CHD9: variants seen among roughly 807,000 people sequenced by gnomAD.
The protein encoded by CHD9 is ATP-dependent chromatin remodeler CHD9.
A neutral mutation model predicts 316.1 loss-of-function variants in CHD9; 77 were observed. The observed-to-expected ratio is 0.24, with a 90% confidence interval of 0.20 to 0.29. The LOEUF is 0.29. Among genes scored for constraint, CHD9 ranks in the 10% least tolerant of loss-of-function variants. The pLI is 1.00. For synonymous variants in CHD9, 1,129 were observed against 1,158.3 expected (o/e 0.97, Z 0.51); for missense variants, 2,763 against 3,438.1 (o/e 0.80, Z 4.91).
At chr16:53,158,120 A>G (rs2041649300) in intron 2 of CHD9, among the ~76,000 whole-genome samples, 1 of 152,224 alleles carries the variant, frequency 6.6e-6, no homozygotes, top group Non-Finnish European at 1.5e-5. Flanking sequence ...TAATGCTGAC[A>G]AATTTATGGT....
intron 2 of CHD9, among the ~76,000 whole-genome samples, chr16:53,200,429 A>G (rs2045356812): frequency 6.6e-6 from 1 of 150,794 alleles, no homozygotes. Flanking sequence ...GATACCTGTA[A>G]TCCCCGCTAC....
chr16:53,307,611 T>A (rs896962810), intron 32 of CHD9, 70 bp from the exon 33 acceptor site: 1 of 1,390,554 alleles, frequency 7.2e-7, no homozygotes. Flanking sequence ...CATAGACTCT[T>A]GAGCTATTTG....
At chr16:53,152,071 G>A (rs1416687231) in intron 1 of CHD9, among the ~76,000 whole-genome samples, 1 of 152,012 alleles carries the variant, frequency 6.6e-6, no homozygotes, top group Non-Finnish European at 1.5e-5. Context: ...ATACTGTGAT[G>A]TGCTAACTTC....
intron 1 of CHD9, among the ~76,000 whole-genome samples, chr16:53,118,269 T>G (rs2038472138): frequency 6.6e-6 from 1 of 152,006 alleles, no homozygotes; most frequent in Non-Finnish European, 1.5e-5. Context: ...ATACAAAAAT[T>G]AGCTAGGTGT....
chr16:53,092,220 C>T (rs895120134), intron 1 of CHD9, among the ~76,000 whole-genome samples: 2 of 152,210 alleles, frequency 1.3e-5, no homozygotes, highest in African/African-American at 2.4e-5. Context: ...TGCAGCCTGG[C>T]GCAGGCTGTA....
At chr16:53,210,456 A>G (rs1227348785) in intron 3 of CHD9, among the ~76,000 whole-genome samples, 1 of 152,134 alleles carries the variant, frequency 6.6e-6, no homozygotes, top group African/African-American at 2.4e-5. Context: ...CTAGGAGGAT[A>G]TATTAATCCT....
intron 1 of CHD9, among the ~76,000 whole-genome samples, chr16:53,127,530 G>C (rs2039021938): frequency 6.6e-6 from 1 of 152,120 alleles, no homozygotes; most frequent in South Asian, 2.1e-4. Flanking sequence ...ATAGCCTTTG[G>C]GGCCAGACAG....
At position 53,080,245 on chromosome 16, in the gene CHD9, G is replaced by A. The variant is rs139793001; in HGVS notation, c.-165+25168G>A. Among the ~76,000 whole-genome samples the A allele has an allele frequency of 1.7e-3, 263 of 152,262 alleles. 3 individuals are homozygous for A. Among genetic ancestry groups the A allele is most frequent in the African/African-American group, 5.2e-3 (217 of 41,548 alleles). ...TTAGGAGACATATTTTGGCAAGAAGGGTTTTTTTCTTTTTTTTATTAACCA... is the reference window on the plus strand; with the variant it reads ...TTAGGAGACATATTTTGGCAAGAAGAGTTTTTTTCTTTTTTTTATTAACCA... On this transcript the variant is annotated intron_variant, in intron 1 of 38. Coordinates refer to ENST00000447540, the MANE Select transcript of CHD9 (RefSeq NM_001308319.2).
chr16:53,207,399 A>G (rs2045972108), intron 2 of CHD9, among the ~76,000 whole-genome samples: 1 of 152,200 alleles, frequency 6.6e-6, no homozygotes, highest in African/African-American at 2.4e-5. Context: ...GTTACGAAAA[A>G]AATGTATTCA....
chr16:53,096,950 ATG>A lies in CHD9; in HGVS notation c.-165+41874_-165+41875del, dbSNP rs1455299685. ...CCCACCCATTATAACCCATTAATCC[ATG>A]AGTGGATTAATCCACTCATGGATTA... On this transcript the variant is annotated intron_variant, in intron 1 of 38. Transcript: ENST00000447540. Among the ~76,000 whole-genome samples the A allele has an allele frequency of 4.6e-5, 7 of 151,978 alleles. No individual in the cohort carries two copies. In the East Asian group the frequency reaches 1.4e-3, roughly 30 times the overall value.
chr16:53,269,177 C>T (rs140609418), intron 22 of CHD9, among the ~76,000 whole-genome samples: 111 of 152,196 alleles, frequency 7.3e-4, no homozygotes, highest in African/African-American at 2.4e-3. Context: ...CAGAGGTATA[C>T]GCTAGTACTT....
intron 23 of CHD9, 62 bp downstream of exon 23, chr16:53,273,847 C>T (rs2052530781): frequency 7.0e-7 from 1 of 1,425,754 alleles, no homozygotes. Context: ...TTTATTAATA[C>T]TCTTTAAGCT....
chr16:53,149,576 ATT>A (rs199516824), intron 1 of CHD9, among the ~76,000 whole-genome samples: 61 of 130,948 alleles, frequency 4.7e-4, no homozygotes, highest in East Asian at 4.2e-3. Context: ...GTACCCAGCC[ATT>A]TTTTTTTTTT....
chr16:53,187,541 GT>G (rs905628235), intron 2 of CHD9, among the ~76,000 whole-genome samples: 2 of 151,944 alleles, frequency 1.3e-5, no homozygotes, highest in African/African-American at 4.8e-5. Context: ...GAAAATGAGA[GT>G]TTTGGCCAGA....
intron 29 of CHD9, among the ~76,000 whole-genome samples, chr16:53,296,243 G>A (rs2054777150): frequency 6.6e-6 from 1 of 151,916 alleles, no homozygotes; most frequent in African/African-American, 2.4e-5. Flanking sequence ...TACTATAAAT[G>A]TGTTTGATTT....
At chr16:53,165,023 T>G (rs1021161638) in intron 2 of CHD9, among the ~76,000 whole-genome samples, 1 of 152,132 alleles carries the variant, frequency 6.6e-6, no homozygotes, top group Non-Finnish European at 1.5e-5. Context: ...GTAAATCCAA[T>G]AATTATCTTC....
chr16:53,286,175 C>A, intron 25 of CHD9, 51 bp from the exon 26 acceptor site: 3 of 1,037,364 alleles, frequency 2.9e-6, no homozygotes, highest in Non-Finnish European at 4.5e-6. Flanking sequence ...TATATGTATA[C>A]ACCTTTCTTC....
At chr16:53,184,110 A>C (rs984866634) in intron 2 of CHD9, among the ~76,000 whole-genome samples, 17 of 151,878 alleles carry the variant, frequency 1.1e-4, no homozygotes, top group Admixed American at 3.3e-4. Context: ...ACGCCCGGCT[A>C]ATTTTTTGTG....
At chr16:53,175,173 T>G (rs985220710) in intron 2 of CHD9, among the ~76,000 whole-genome samples, 5 of 152,138 alleles carry the variant, frequency 3.3e-5, no homozygotes, top group African/African-American at 9.7e-5. Flanking sequence ...TGCTGATCAC[T>G]ACTCATCTAG....
Sources: allele counts gnomAD v4.1 joint callset (sites outside exome capture counted in the v4.1 genomes callset), GRCh38; gene constraint gnomAD v4.1.1; transcripts MANE v1.5; gene names NCBI Gene and HGNC (gene_info 2026-07-23, HGNC 2026-07-21).